BAIAP3: variants seen among roughly 807,000 people sequenced by gnomAD.
BAIAP3 encodes the protein BAI1-associated protein 3.
In BAIAP3, 180 loss-of-function variants were observed where a neutral mutation model predicts 149.7. The observed-to-expected ratio is 1.20, with a 90% confidence interval of 1.07 to 1.36. The LOEUF is 1.36. Among genes scored for constraint, BAIAP3 ranks in the 40% most tolerant of loss-of-function variants. The pLI is 0.00. For synonymous variants in BAIAP3, 845 were observed against 670.7 expected, an observed-to-expected ratio of 1.26 and a Z score of -4.02; for missense variants, 1,767 against 1,563.4, an observed-to-expected ratio of 1.13 and a Z score of -2.20.
chr16:1,336,304 G>GTGAC, intron 1 of BAIAP3: 1 of 985,438 alleles, frequency 1.0e-6, no homozygotes, highest in Non-Finnish European at 1.2e-6. Context: ...GGCTGTGGGG[G>GTGAC]TGACAGCTTC....
At position 1,339,254 on chromosome 16, in the gene BAIAP3, G is replaced by A; in HGVS notation, c.300+10G>A. On this transcript the variant is annotated intron_variant, in intron 4 of 33. Transcript: ENST00000426824. ...CCTGGCCCCAGAGGAGGTAAAGGTGGGGGTCGGAACCAGGGGCAGTCGTCT... is the reference window on the plus strand; with the variant it reads ...CCTGGCCCCAGAGGAGGTAAAGGTGAGGGTCGGAACCAGGGGCAGTCGTCT... 6.4e-7 allele frequency: 1 copy of A among 1,558,690 alleles called. No individual in the cohort carries two copies. Among genetic ancestry groups the A allele is most frequent in the Non-Finnish European group, 8.7e-7 (1 of 1,153,714 alleles).
At chr16:1,342,140 C>G (rs546447689) in intron 10 of BAIAP3, 41 bp from the exon 11 acceptor site, 13 of 1,572,630 alleles carry the variant, frequency 8.3e-6, no homozygotes, top group South Asian at 2.3e-5. Context: ...AGTGGCTCCC[C>G]AGGAGCCATC....
intron 5 of BAIAP3, among the ~76,000 whole-genome samples, chr16:1,340,610 A>G (rs2033862530): frequency 6.6e-6 from 1 of 151,112 alleles, no homozygotes; most frequent in South Asian, 2.1e-4. Flanking sequence ...ACATACATGC[A>G]CATAGGCTGA....
chr16:1,336,005 G>T (rs1013340211), intron 1 of BAIAP3, among the ~76,000 whole-genome samples: 3 of 152,164 alleles, frequency 2.0e-5, no homozygotes, highest in African/African-American at 7.2e-5. Context: ...GAAAATGCAG[G>T]GAGGGTACCG....
chr16:1,339,244 G>A lies in BAIAP3; in HGVS notation c.300G>A (p.Glu100=). Residue 100 remains glutamate, a splice_region_variant and synonymous_variant, in exon 4 of 34, where the codon GAG becomes GAA. Coordinates refer to ENST00000426824, the MANE Select transcript of BAIAP3 (RefSeq NM_001199097.2). The part of the protein sequence containing the change: ...SLGLRALAPE[E]VEMLYEEALY... ...GCCTGAGAGCCCTGGCCCCAGAGGA[G>A]GTAAAGGTGGGGGTCGGAACCAGGG... 1.3e-6 allele frequency: 2 copies of A among 1,561,772 alleles called. No homozygotes were observed. Among genetic ancestry groups the A allele is most frequent in the Non-Finnish European group, 8.7e-7 (1 of 1,155,166 alleles).
In BAIAP3 at chr16:1,346,256, G is replaced by A. The variant is rs576948746; in HGVS notation, c.2388G>A (p.Thr796=). The part of the protein sequence containing the change: ...LKGLAWPEGA[T]GPEGVLPRPL... ...GCCTGGCATGGCCAGAGGGGGCCAC[G>A]GGGCCCGAGGGGGTGCTCCCCCGCC... The change falls in exon 25 of 34, where the codon ACG becomes ACA. Residue 796 remains threonine (T), a synonymous_variant. Coordinates refer to ENST00000426824, the MANE Select transcript of BAIAP3 (RefSeq NM_001199097.2). 53 of 1,610,438 alleles carry A rather than the reference G, an allele frequency of 3.3e-5. No homozygotes were observed. In the African/African-American group the frequency reaches 3.7e-4, roughly 11 times the overall value.
At position 1,345,765 on chromosome 16, in the gene BAIAP3, T is replaced by G; in HGVS notation, c.2083T>G (p.Ser695Ala). 3 of 1,511,180 alleles carry G rather than the reference T, an allele frequency of 2.0e-6. No individual in the cohort carries two copies. The highest frequency in any genetic ancestry group is 2.4e-5 in the South Asian group (2 of 84,086). The allele number at this position is 1,511,180 out of a possible 1,614,324, so 93.6% of individuals were successfully genotyped here. The change falls in exon 23 of 34, where the codon TCC becomes GCC. Residue 695 changes from serine to alanine, a missense_variant. Physicochemically the swap from Ser to Ala is moderately conservative, Grantham distance 99. Transcript: ENST00000426824. ...TCCCTAGCTGGAGCCCGTGGACGCC[T>G]CCTCCAGGCACAGCAGCTCCGCAGC... ...DMDTLEPVDA[S>A]SRHSSSAATA...
At chr16:1,347,242 C>T (rs2034438137) in intron 28 of BAIAP3, 56 bp from the exon 29 acceptor site, 1 of 1,558,302 alleles carries the variant, frequency 6.4e-7, no homozygotes, top group Non-Finnish European at 8.8e-7. Flanking sequence ...GGGTCTCTAC[C>T]TGTCCCCAGC....
intron 27 of BAIAP3, 48 bp from the exon 28 acceptor site, chr16:1,346,791 GGTGGGGCC>G: frequency 7.9e-6 from 3 of 378,238 alleles, no homozygotes. Flanking sequence ...CCATTCTGCA[GGTGGGGCC>G]AGCGGGGCAG....
chr16:1,346,244 AGAGGGGGCCACGGGGCCC>A lies in BAIAP3; in HGVS notation c.2384_2401del (p.Ala795_Gly800del). 1.9e-6 allele frequency: 3 copies of A among 1,611,704 alleles called. No individual in the cohort carries two copies. Among genetic ancestry groups the A allele is most frequent in the South Asian group, 1.1e-5 (1 of 90,974 alleles). ...AGGCCTTGAAGGGCCTGGCATGGCC[AGAGGGGGCCACGGGGCCC>A]GAGGGGGTGCTCCCCCGCCCTCTGC... On this transcript the variant is annotated inframe_deletion, in exon 25 of 34. Coordinates refer to ENST00000426824, the MANE Select transcript of BAIAP3 (RefSeq NM_001199097.2).
rs777408255 is a variant in BAIAP3, at chr16:1,344,044, T to C, written c.1409T>C (p.Leu470Pro). ...CAGGAGGAGAGCCTGGCTGATAGCCTTTCCGCCTTCTCTGAGTTCGGGCTG... is the reference window on the plus strand; with the variant it reads ...CAGGAGGAGAGCCTGGCTGATAGCCCTTCCGCCTTCTCTGAGTTCGGGCTG... ...QEQEESLADSLSAFSEFGLQL... is the reference protein window; with the variant it reads ...QEQEESLADSPSAFSEFGLQL... Residue 470 changes from leucine (L) to proline (P), a missense_variant, in exon 16 of 34, where the codon CTT (leucine) becomes CCT (proline). Transcript: ENST00000426824. The C allele has an allele frequency of 6.1e-5, 98 of 1,612,398 alleles. No homozygotes were observed. Among genetic ancestry groups the C allele is most frequent in the Non-Finnish European group, 7.8e-5 (92 of 1,179,924 alleles).
At chr16:1,338,319 C>T (rs1197762959) in intron 1 of BAIAP3, among the ~76,000 whole-genome samples, 1 of 152,152 alleles carries the variant, frequency 6.6e-6, no homozygotes, top group African/African-American at 2.4e-5. Flanking sequence ...CTCCCTGAAG[C>T]CGCCCTGCAG....
Position 1,341,196 on chromosome 16 carries a change from G to T in BAIAP3, c.535+1G>T. On this transcript the variant is annotated splice_donor_variant, in intron 7 of 33. Coordinates refer to ENST00000426824, the MANE Select transcript of BAIAP3 (RefSeq NM_001199097.2). LOFTEE classifies it high-confidence loss of function. ...AACCTTCTGGCCAAGGACCCCAACGGTGAGTGGGGACCCAGCAGACCTCGG... is the reference window on the plus strand; with the variant it reads ...AACCTTCTGGCCAAGGACCCCAACGTTGAGTGGGGACCCAGCAGACCTCGG... 7 of 1,612,424 alleles carry T rather than the reference G, an allele frequency of 4.3e-6. No individual in the cohort carries two copies. Among genetic ancestry groups the T allele is most frequent in the Non-Finnish European group, 5.9e-6 (7 of 1,179,724 alleles).
At chr16:1,338,400 C>T (rs1166786658) in intron 1 of BAIAP3, 140 bp from the exon 2 acceptor site, 19 of 1,136,640 alleles carry the variant, frequency 1.7e-5, no homozygotes, top group African/African-American at 3.1e-5. Flanking sequence ...ACCAGGTGCC[C>T]AGCGCCATCC....
rs2034565258 is a variant in BAIAP3 at position 1,348,773 on chromosome 16, T to TC, written c.*294dup. The stretch of plus-strand genomic sequence containing the variant: ...AGCGGGCTTGACCACCTGGTGGGCC[T>TC]CCCTGCCCGCTTCCTTGGGCTCCCC... On this transcript the variant is annotated 3_prime_UTR_variant, in exon 34 of 34. Transcript: ENST00000426824. 5 of 481,868 alleles carry TC rather than the reference T, an allele frequency of 1.0e-5. No individual in the cohort carries two copies. Among genetic ancestry groups the TC allele is most frequent in the Admixed American group, 3.7e-5 (1 of 27,384 alleles). 29.8% of individuals were successfully genotyped at this position (481,868 alleles called of 1,614,324 possible).
At chr16:1,334,601 C>T (rs887524521) in intron 1 of BAIAP3, 18 of 1,486,298 alleles carry the variant, frequency 1.2e-5, no homozygotes, top group East Asian at 2.5e-5. Flanking sequence ...TCTGAGGCTT[C>T]GGGGAGCCCA....
rs373188358 is a variant in BAIAP3, at chr16:1,339,623, G to C, written c.408+20G>C. The C allele has an allele frequency of 1.8e-5, 28 of 1,577,882 alleles. No homozygotes were observed. The South Asian group carries it at 2.8e-4, about 16-fold the overall frequency. ...CAGCAGGTCAGCCCACCCTGACCCCGACCCAGACCCTGACAGCTTCCCCAC... is the reference window on the plus strand; with the variant it reads ...CAGCAGGTCAGCCCACCCTGACCCCCACCCAGACCCTGACAGCTTCCCCAC... On this transcript the variant is annotated intron_variant, in intron 5 of 33. Transcript: ENST00000426824.
At chr16:1,345,467 GCCT>G in intron 22 of BAIAP3, 95 bp downstream of exon 22, 1 of 1,033,620 alleles carries the variant, frequency 9.7e-7, no homozygotes, top group Non-Finnish European at 1.2e-6. Flanking sequence ...GCAACCCCCA[GCCT>G]CCTCCGCCTC....
chr16:1,343,496 T>A lies in BAIAP3; in HGVS notation c.1369T>A (p.Ser457Thr). Reference protein sequence around the residue: ...DMQAHWEEAPSLPQEQEESLA... With the variant: ...DMQAHWEEAPTLPQEQEESLA... ...GCAGGCACACTGGGAAGAGGCTCCT[T>A]CACTGCCCCAGGAGCAGGTGGGTGC... Residue 457 changes from serine to threonine, a missense_variant, in exon 15 of 34, where the codon TCA (serine) becomes ACA (threonine). Transcript: ENST00000426824. 1 of 1,605,834 alleles carries A rather than the reference T, an allele frequency of 6.2e-7. No homozygotes were observed. Among genetic ancestry groups the A allele is most frequent in the Non-Finnish European group, 8.5e-7 (1 of 1,177,768 alleles).
Sources: allele counts gnomAD v4.1 joint callset (sites outside exome capture counted in the v4.1 genomes callset), GRCh38; gene constraint gnomAD v4.1.1; transcripts MANE v1.5; gene names NCBI Gene and HGNC (gene_info 2026-07-23, HGNC 2026-07-21).